DLG2: variants seen among roughly 807,000 people sequenced by gnomAD.
The protein encoded by DLG2 is discs large MAGUK scaffold protein 2, also known as disks large homolog 2.
Under a neutral mutation model 132.5 loss-of-function variants are expected in DLG2, and 45 were observed. The observed-to-expected ratio is 0.34, with a 90% CI of 0.27 to 0.44. DLG2 has a LOEUF of 0.44. Ranked by LOEUF, DLG2 falls within the 20% of genes least tolerant of loss-of-function variation. The pLI, the probability that DLG2 is intolerant of heterozygous loss-of-function variation, is 1.00. For synonymous variants in DLG2, 424 were observed against 419.6 expected, an observed-to-expected ratio of 1.01 and a Z score of -0.13; for missense variants, 1,045 against 1,196.9, an observed-to-expected ratio of 0.87 and a Z score of 1.87.
intron 22 of DLG2, chr11:83,483,130 CAAAT>C (rs2093256062): frequency 1.3e-6 from 1 of 769,398 alleles, no homozygotes; most frequent in South Asian, 1.7e-5. Flanking sequence ...AGCTAGGTAA[CAAAT>C]AAAACTCGTA....
intron 6 of DLG2, among the ~76,000 whole-genome samples, chr11:84,836,202 G>T (rs2079751218): frequency 6.6e-6 from 1 of 151,494 alleles, no homozygotes; most frequent in Admixed American, 6.6e-5. Context: ...AATACAAGCT[G>T]GTATAAAATA....
chr11:84,013,833 C>A (rs953267037), intron 11 of DLG2, among the ~76,000 whole-genome samples: 1 of 131,188 alleles, frequency 7.6e-6, no homozygotes, highest in Non-Finnish European at 1.5e-5. Flanking sequence ...CACCACTGAG[C>A]TCCAACCTGG....
intron 4 of DLG2, among the ~76,000 whole-genome samples, chr11:85,165,690 C>A (rs967347725): frequency 2.0e-5 from 3 of 152,140 alleles, no homozygotes; most frequent in Admixed American, 6.6e-5. Context: ...ATTTAATGAT[C>A]AAACTGGTTT....
intron 16 of DLG2, among the ~76,000 whole-genome samples, chr11:83,856,679 G>A (rs1353299553): frequency 1.3e-5 from 2 of 152,000 alleles, no homozygotes; most frequent in Admixed American, 1.3e-4. Flanking sequence ...TAATGGGGTT[G>A]TTTGTCTTTT....
At chr11:85,369,318 C>A (rs538511342) in intron 3 of DLG2, among the ~76,000 whole-genome samples, 2 of 152,140 alleles carry the variant, frequency 1.3e-5, no homozygotes, top group African/African-American at 2.4e-5. Flanking sequence ...CCTTTCCCCC[C>A]GCCAAGAGGT....
In DLG2 at chr11:84,056,017, G is replaced by T. The variant is rs547395937; in HGVS notation, c.919+3298C>A. On this transcript the variant is annotated intron_variant, in intron 11 of 27. Transcript: ENST00000376104. ...CTACATTTTTGATGCTTACTATATT[G>T]TACCCATGTGCTCAAGGAAGGTCAG... is the stretch of plus-strand genomic sequence containing the variant. Among the ~76,000 whole-genome samples, 122 of 151,904 alleles carry T rather than the reference G, an allele frequency of 8.0e-4. 2 individuals carry two copies. Among genetic ancestry groups the T allele is most frequent in the African/African-American group, 2.7e-3 (112 of 41,430 alleles).
intron 18 of DLG2, among the ~76,000 whole-genome samples, chr11:83,753,886 T>TATTATATATGTATG (rs1566833628): frequency 2.0e-4 from 9 of 44,042 alleles, no homozygotes; most frequent in Non-Finnish European, 3.4e-4. Context: ...ATATATATCA[T>TATTATATATGTATG]ATATATCATA....
At chr11:83,602,768 T>C (rs2058748749) in intron 19 of DLG2, among the ~76,000 whole-genome samples, 1 of 152,226 alleles carries the variant, frequency 6.6e-6, no homozygotes. Context: ...AGAACCTGAA[T>C]ATAGTAAGTG....
intron 25 of DLG2, 67 bp downstream of exon 25, chr11:83,469,134 A>G: frequency 7.5e-7 from 1 of 1,327,926 alleles, no homozygotes; most frequent in South Asian, 1.6e-5. Context: ...ACCAAAAAAA[A>G]AAAAAAATGC....
intron 6 of DLG2, among the ~76,000 whole-genome samples, chr11:84,817,646 T>G (rs1270060162): frequency 6.6e-6 from 1 of 152,020 alleles, no homozygotes; most frequent in Non-Finnish European, 1.5e-5. Context: ...ATTCTACTTT[T>G]AGGTTAATGC....
intron 6 of DLG2, among the ~76,000 whole-genome samples, chr11:84,817,473 G>C (rs2077200560): frequency 2.6e-5 from 4 of 152,028 alleles, no homozygotes; most frequent in Non-Finnish European, 5.9e-5. Flanking sequence ...GAAAACAAGT[G>C]ATACACATTC....
chr11:84,790,067 G>A (rs1000526117), intron 6 of DLG2, among the ~76,000 whole-genome samples: 8 of 152,080 alleles, frequency 5.3e-5, no homozygotes, highest in African/African-American at 1.7e-4. Context: ...ATATCTTTTC[G>A]ATATTCCTGT....
chr11:85,107,215 A>G lies in DLG2; in HGVS notation c.357+4446T>C, dbSNP rs531313946. 2.6e-5 allele frequency among the ~76,000 whole-genome samples: 4 copies of G among 152,136 alleles called. No homozygotes were observed. In the East Asian group the frequency reaches 7.8e-4, roughly 30 times the overall value. ...AATAGCAGTCAACTTAGCTTTAAGA[A>G]ACTCCTTTCCCAGCATTAATTTCCA... is the stretch of plus-strand genomic sequence containing the variant. On this transcript the variant is annotated intron_variant, in intron 6 of 27. Transcript: ENST00000376104.
At chr11:85,528,312 T>A (rs1366303719) in intron 3 of DLG2, among the ~76,000 whole-genome samples, 1 of 152,176 alleles carries the variant, frequency 6.6e-6, no homozygotes, top group African/African-American at 2.4e-5. Flanking sequence ...ATTTTCATGG[T>A]TTTAGGATTT....
intron 7 of DLG2, chr11:84,273,165 G>A (rs1316693886): frequency 1.3e-6 from 2 of 1,538,610 alleles, no homozygotes; most frequent in Non-Finnish European, 8.7e-7. Flanking sequence ...ATAAATGCAT[G>A]TTGCATAGCT....
At chr11:84,433,901 G>A (rs1263498119) in intron 7 of DLG2, among the ~76,000 whole-genome samples, 1 of 152,098 alleles carries the variant, frequency 6.6e-6, no homozygotes, top group Non-Finnish European at 1.5e-5. Context: ...CAGATCACTT[G>A]AGCTCAGGAG....
intron 5 of DLG2, among the ~76,000 whole-genome samples, chr11:85,135,134 C>T (rs2076060649): frequency 6.6e-6 from 1 of 152,160 alleles, no homozygotes; most frequent in Non-Finnish European, 1.5e-5. Flanking sequence ...GTTTCCCTGG[C>T]ACAACTAACA....
At chr11:85,531,359 A>G (rs1565644167) in intron 3 of DLG2, among the ~76,000 whole-genome samples, 1 of 152,228 alleles carries the variant, frequency 6.6e-6, no homozygotes, top group African/African-American at 2.4e-5. Flanking sequence ...TGATTTAAGA[A>G]TAACTGCTAC....
intron 21 of DLG2, among the ~76,000 whole-genome samples, chr11:83,504,604 A>C (rs1324620837): frequency 1.3e-5 from 2 of 152,152 alleles, no homozygotes; most frequent in Non-Finnish European, 2.9e-5. Flanking sequence ...TCCTGGTGGC[A>C]GCATTCCTCC....
Sources: allele counts gnomAD v4.1 joint callset (sites outside exome capture counted in the v4.1 genomes callset), GRCh38; gene constraint gnomAD v4.1.1; transcripts MANE v1.5; gene names NCBI Gene and HGNC (gene_info 2026-07-23, HGNC 2026-07-21).